Variants in KCNN2 observed in about 807,000 individuals in gnomAD.
The protein encoded by KCNN2 is small conductance calcium-activated potassium channel protein 2.
A neutral mutation model predicts 55.5 loss-of-function variants in KCNN2; 24 were observed. That is an observed-to-expected ratio of 0.43 (90% CI 0.31 to 0.61). The LOEUF is 0.61. Ranked by LOEUF, KCNN2 falls within the 20% of genes least tolerant of loss-of-function variation. The probability of loss-of-function intolerance (pLI) is 0.08; values close to 1 mark genes in which losing one functional copy is unlikely to be tolerated. For synonymous variants in KCNN2, 431 were observed against 336.1 expected, an observed-to-expected ratio of 1.28 and a Z score of -3.09; for missense variants, 754 against 853.6, an observed-to-expected ratio of 0.88 and a Z score of 1.45.
At chr5:114,176,448 G>C (rs570930110) in intron 1 of KCNN2, among the ~76,000 whole-genome samples, 1 of 152,102 alleles carries the variant, frequency 6.6e-6, no homozygotes, top group Non-Finnish European at 1.5e-5. Flanking sequence ...GCTCTGTAAG[G>C]CTGAACATCT....
intron 3 of KCNN2, among the ~76,000 whole-genome samples, chr5:114,410,115 G>C (rs150336631): frequency 5.3e-5 from 8 of 152,238 alleles, no homozygotes; most frequent in African/African-American, 1.7e-4. Flanking sequence ...ATGTTCATGG[G>C]GTCCCAGGCC....
At chr5:114,290,636 C>G (rs561426923) in intron 2 of KCNN2, among the ~76,000 whole-genome samples, 4 of 151,818 alleles carry the variant, frequency 2.6e-5, no homozygotes, top group Admixed American at 2.0e-4. Flanking sequence ...TCAGTCTGCT[C>G]TTCATTTTCT....
chr5:114,144,100 C>G (rs187640334), intron 1 of KCNN2, among the ~76,000 whole-genome samples: 1 of 152,176 alleles, frequency 6.6e-6, no homozygotes, highest in South Asian at 2.1e-4. Flanking sequence ...AAAATCTGTT[C>G]TTTTAGCTTG....
chr5:114,404,436 A>T lies in KCNN2; in HGVS notation c.1219-2A>T. The T allele has an allele frequency of 6.2e-7, 1 of 1,606,136 alleles. No individual in the cohort carries two copies. The highest frequency in any genetic ancestry group is 1.3e-5 in the African/African-American group (1 of 74,706). On this transcript the variant is annotated splice_acceptor_variant, in intron 2 of 7. Coordinates refer to ENST00000673685, the MANE Select transcript of KCNN2 (RefSeq NM_021614.4). LOFTEE classifies it high-confidence loss of function. Reference sequence around the variant, plus strand: ...AGCTGATTTTCTACTTTATTTTTTCAGTTGTTCATGGTGGACAATGGAGCA... The same window carrying T: ...AGCTGATTTTCTACTTTATTTTTTCTGTTGTTCATGGTGGACAATGGAGCA...
chr5:114,124,957 A>G (rs1751901143), intron 1 of KCNN2, among the ~76,000 whole-genome samples: 1 of 152,138 alleles, frequency 6.6e-6, no homozygotes, highest in Non-Finnish European at 1.5e-5. Context: ...ACCAGAGGTA[A>G]GCTTTGGAGG....
At chr5:114,164,511 G>T (rs1424738735) in intron 1 of KCNN2, among the ~76,000 whole-genome samples, 1 of 152,070 alleles carries the variant, frequency 6.6e-6, no homozygotes, top group African/African-American at 2.4e-5. Flanking sequence ...GCCTGTTGAG[G>T]TGACATGTGA....
At chr5:114,182,786 A>G (rs959011908) in intron 1 of KCNN2, among the ~76,000 whole-genome samples, 6 of 152,098 alleles carry the variant, frequency 3.9e-5, no homozygotes, top group African/African-American at 1.2e-4. Flanking sequence ...AGATTTTTCT[A>G]TGTGAACAAT....
intron 2 of KCNN2, among the ~76,000 whole-genome samples, chr5:114,396,880 T>G (rs1318146917): frequency 6.6e-6 from 1 of 152,220 alleles, no homozygotes; most frequent in East Asian, 1.9e-4. Flanking sequence ...CCTCCCACCC[T>G]CTACCCTCAG....
chr5:114,374,431 C>CT (rs1194032276), intron 2 of KCNN2, among the ~76,000 whole-genome samples: 2 of 152,046 alleles, frequency 1.3e-5, no homozygotes, highest in African/African-American at 2.4e-5. Flanking sequence ...ATAAAAGGTG[C>CT]TTTTTTCTTT....
intron 5 of KCNN2, 173 bp downstream of exon 5, chr5:114,473,337 G>A: frequency 1.7e-6 from 1 of 603,084 alleles, no homozygotes; most frequent in Non-Finnish European, 3.0e-6. Flanking sequence ...TTTCTACCTT[G>A]AGGTCAGTTA....
chr5:114,405,915 T>C (rs935414536), intron 3 of KCNN2, among the ~76,000 whole-genome samples: 44 of 151,970 alleles, frequency 2.9e-4, no homozygotes, highest in Admixed American at 2.8e-3. Context: ...TTTCACCGTG[T>C]TAGCTGGGAT....
chr5:114,068,341 T>C (rs901582), intron 1 of KCNN2, among the ~76,000 whole-genome samples: 22,532 of 152,200 alleles, frequency 0.15, 1,853 homozygotes, highest in South Asian at 0.29. Context: ...TTCTAAGGTA[T>C]GGAAGAAATT....
intron 1 of KCNN2, among the ~76,000 whole-genome samples, chr5:114,091,243 T>A (rs1208259413): frequency 6.6e-6 from 1 of 152,116 alleles, no homozygotes. Flanking sequence ...CCCCTTCCAC[T>A]TCAGTGGCTG....
chr5:114,384,885 T>C (rs1332966993), intron 2 of KCNN2, among the ~76,000 whole-genome samples: 2 of 152,216 alleles, frequency 1.3e-5, no homozygotes, highest in African/African-American at 2.4e-5. Flanking sequence ...TTTCTGCCAC[T>C]TCTCTATGCA....
intron 3 of KCNN2, among the ~76,000 whole-genome samples, chr5:114,454,927 G>A (rs1760853615): frequency 6.6e-6 from 1 of 152,226 alleles, no homozygotes. Flanking sequence ...TATATTTAAT[G>A]TGGTTACAGA....
intron 3 of KCNN2, among the ~76,000 whole-genome samples, chr5:114,411,506 T>A (rs982198119): frequency 2.0e-5 from 3 of 152,094 alleles, no homozygotes; most frequent in African/African-American, 7.2e-5. Flanking sequence ...AGGAAGCCAG[T>A]GGTGCAACTC....
exon 1 of KCNN2, chr5:114,056,368 G>A (rs919524501): frequency 1.3e-5 from 5 of 398,478 alleles, no homozygotes; most frequent in African/African-American, 1.0e-4. Flanking sequence ...AGTTTCTCCC[G>A]GTGAACCTGC....
In KCNN2 at chr5:114,401,053, G is replaced by T. The variant is rs73782230; in HGVS notation, c.1219-3385G>T. ...AGATTCTCTGTTCATCATAAATGCT[G>T]CTGTATGGCTGGTATGTAGACCAAT... is the stretch of plus-strand genomic sequence containing the variant. On this transcript the variant is annotated intron_variant, in intron 2 of 7. Transcript: ENST00000673685. 5.4e-3 allele frequency among the ~76,000 whole-genome samples: 806 copies of T among 149,508 alleles called. 6 individuals carry two copies. Among genetic ancestry groups the T allele is most frequent in the African/African-American group, 0.019 (757 of 40,792 alleles).
chr5:114,243,940 G>T (rs1754696508), intron 2 of KCNN2, among the ~76,000 whole-genome samples: 1 of 152,174 alleles, frequency 6.6e-6, no homozygotes, highest in African/African-American at 2.4e-5. Flanking sequence ...AACTACTGCG[G>T]ATTGCAAGTA....
Sources: allele counts gnomAD v4.1 joint callset (sites outside exome capture counted in the v4.1 genomes callset), GRCh38; gene constraint gnomAD v4.1.1; transcripts MANE v1.5; gene names NCBI Gene and HGNC (gene_info 2026-07-23, HGNC 2026-07-21).